SLC22A3: variants seen among roughly 807,000 people sequenced by gnomAD.
SLC22A3 encodes the protein EMT organic cation transporter 3.
Under a neutral mutation model 59.1 loss-of-function variants are expected in SLC22A3, and 51 were observed. The ratio of observed to expected loss-of-function variants is 0.86; its 90% CI spans 0.69 to 1.09. The LOEUF (loss-of-function observed/expected upper bound fraction) is 1.09. SLC22A3 is among the 50% of genes least tolerant of loss of function. The probability of loss-of-function intolerance (pLI) is 0.00; values close to 1 mark genes in which losing one functional copy is unlikely to be tolerated. For missense variants in SLC22A3, 711 were observed against 726.3 expected (o/e 0.98, Z 0.24); for synonymous variants, 325 against 292.0 (o/e 1.11, Z -1.15).
intron 1 of SLC22A3, among the ~76,000 whole-genome samples, chr6:160,376,334 G>A (rs1485996705): frequency 6.6e-6 from 1 of 151,714 alleles, no homozygotes; most frequent in African/African-American, 2.4e-5. Flanking sequence ...ACACACCGGG[G>A]CCTGGTTGGC....
chr6:160,369,427 T>G (rs1013190561), intron 1 of SLC22A3, among the ~76,000 whole-genome samples: 2 of 152,248 alleles, frequency 1.3e-5, no homozygotes, highest in Non-Finnish European at 2.9e-5. Flanking sequence ...GCACTTCCAG[T>G]GATGCCTGCT....
intron 5 of SLC22A3, among the ~76,000 whole-genome samples, chr6:160,431,727 C>T (rs76496355): frequency 3.4e-3 from 515 of 151,908 alleles, no homozygotes; most frequent in African/African-American, 0.011. Flanking sequence ...ATTATTTTAA[C>T]TATTTGCTAA....
At chr6:160,434,253 A>G (rs1022051118) in intron 5 of SLC22A3, among the ~76,000 whole-genome samples, 1 of 152,222 alleles carries the variant, frequency 6.6e-6, no homozygotes, top group African/African-American at 2.4e-5. Flanking sequence ...GTTTTAATTA[A>G]AGATTCAGTT....
chr6:160,359,712 C>A (rs1784952625), intron 1 of SLC22A3, among the ~76,000 whole-genome samples: 1 of 152,156 alleles, frequency 6.6e-6, no homozygotes, highest in Admixed American at 6.5e-5. Context: ...GAGATAAAAA[C>A]AACAGAAAAT....
rs141627819 is a variant in SLC22A3 at position 160,384,537 on chromosome 6, C to T, written c.430-13442C>T. On this transcript the variant is annotated intron_variant, in intron 1 of 10. Coordinates refer to ENST00000275300, the MANE Select transcript of SLC22A3 (RefSeq NM_021977.4). ...GGAGGGGCAACTCACACCTTAGAGA[C>T]CAGGAAAGACTCAGGTGTTTCTAAG... is the stretch of plus-strand genomic sequence containing the variant. Among the ~76,000 whole-genome samples, 3 of 152,166 alleles carry T rather than the reference C, an allele frequency of 2.0e-5. No homozygotes were observed. The East Asian group carries it at 5.8e-4, about 29-fold the overall frequency.
intron 4 of SLC22A3, among the ~76,000 whole-genome samples, chr6:160,410,523 A>G (rs1787202268): frequency 6.6e-6 from 1 of 152,316 alleles, no homozygotes; most frequent in African/African-American, 2.4e-5. Flanking sequence ...TTGATGAGCA[A>G]TGATCCAATT....
At chr6:160,387,921 T>A (rs550928450) in intron 1 of SLC22A3, among the ~76,000 whole-genome samples, 1 of 152,184 alleles carries the variant, frequency 6.6e-6, no homozygotes, top group East Asian at 1.9e-4. Flanking sequence ...CATGACCTTG[T>A]TTCTGTACTC....
chr6:160,394,739 A>G (rs1164445927), intron 1 of SLC22A3, among the ~76,000 whole-genome samples: 1 of 152,240 alleles, frequency 6.6e-6, no homozygotes, highest in Non-Finnish European at 1.5e-5. Context: ...GCTGAAGAAG[A>G]AGGAGAGGAC....
chr6:160,404,868 A>G (rs1583483026), intron 2 of SLC22A3, among the ~76,000 whole-genome samples: 1 of 78,850 alleles, frequency 1.3e-5, no homozygotes, highest in African/African-American at 4.1e-5. Context: ...ACCACATGCA[A>G]AAAAAAAAAA....
intron 5 of SLC22A3, among the ~76,000 whole-genome samples, chr6:160,434,743 A>G (rs1014890351): frequency 1.3e-5 from 2 of 152,096 alleles, no homozygotes; most frequent in Non-Finnish European, 2.9e-5. Context: ...ACACAGAAAA[A>G]TCCCTCACTG....
chr6:160,426,216 G>T (rs891349780), intron 5 of SLC22A3: 4 of 985,198 alleles, frequency 4.1e-6, no homozygotes, highest in East Asian at 2.3e-4. Context: ...TAAACCAAAG[G>T]CTTTCTGAGT....
At chr6:160,429,554 T>C (rs1415506686) in intron 5 of SLC22A3, among the ~76,000 whole-genome samples, 2 of 152,152 alleles carry the variant, frequency 1.3e-5, no homozygotes, top group African/African-American at 4.8e-5. Flanking sequence ...TGAGGTGGGA[T>C]TGCTGTTCCT....
chr6:160,394,444 A>T (rs536229080), intron 1 of SLC22A3, among the ~76,000 whole-genome samples: 139 of 152,352 alleles, frequency 9.1e-4, no homozygotes, highest in Non-Finnish European at 1.8e-3. Context: ...CTGAGAGCTG[A>T]TTAGGAAGCG....
chr6:160,441,717 T>C (rs1788549743), intron 7 of SLC22A3, among the ~76,000 whole-genome samples: 1 of 151,804 alleles, frequency 6.6e-6, no homozygotes, highest in Non-Finnish European at 1.5e-5. Context: ...AAAAATTATA[T>C]ATTCAGGAAG....
At chr6:160,433,706 CA>C (rs1052326316) in intron 5 of SLC22A3, among the ~76,000 whole-genome samples, 4 of 151,786 alleles carry the variant, frequency 2.6e-5, no homozygotes, top group South Asian at 2.1e-4. Context: ...GACCCTATCT[CA>C]AAAAAAATTT....
chr6:160,379,499 T>C (rs2114791970), intron 1 of SLC22A3, among the ~76,000 whole-genome samples: 1 of 152,370 alleles, frequency 6.6e-6, no homozygotes, highest in Middle Eastern at 3.4e-3. Context: ...GTTAATTTAG[T>C]ACCTTCCTTT....
chr6:160,418,524 A>G (rs895027860), intron 5 of SLC22A3, among the ~76,000 whole-genome samples: 9 of 152,152 alleles, frequency 5.9e-5, no homozygotes, highest in African/African-American at 1.9e-4. Flanking sequence ...TTTCATAGAT[A>G]TGTAGATCCT....
At position 160,423,239 on chromosome 6, in the gene SLC22A3, C is replaced by T. The variant is rs1787817959; in HGVS notation, c.975+12393C>T. On this transcript the variant is annotated intron_variant, in intron 5 of 10. Coordinates refer to ENST00000275300, the MANE Select transcript of SLC22A3 (RefSeq NM_021977.4). ...CTTAATCCAGTCTATCATTGTTGGACATTTGGGTTGGTTCCAAGTCTTTGC... is the reference window on the plus strand; with the variant it reads ...CTTAATCCAGTCTATCATTGTTGGATATTTGGGTTGGTTCCAAGTCTTTGC... Among the ~76,000 whole-genome samples, 3 of 152,164 alleles carry T rather than the reference C, an allele frequency of 2.0e-5. No homozygotes were observed. In the South Asian group the frequency reaches 6.2e-4, roughly 32 times the overall value.
chr6:160,348,444 C>T lies in SLC22A3; in HGVS notation c.25C>T (p.Gln9Ter). The T allele has an allele frequency of 1.3e-6, 2 of 1,522,612 alleles. No homozygotes were observed. The highest frequency in any genetic ancestry group is 1.8e-6 in the Non-Finnish European group (2 of 1,138,538). 94.3% of individuals were successfully genotyped at this position (1,522,612 alleles called of 1,614,324 possible). MPSFDEAL[Q>*]RVGEFGRFQR... ...CATGCCCTCCTTCGACGAGGCGCTG[C>T]AGCGGGTGGGCGAGTTCGGGCGCTT... Residue 9 changes from glutamine (Q) to a stop codon, truncating the protein, a stop_gained, in exon 1 of 11, where the codon CAG (glutamine) becomes TAG (stop). Coordinates refer to ENST00000275300, the MANE Select transcript of SLC22A3 (RefSeq NM_021977.4). LOFTEE classifies it high-confidence loss of function.
Sources: gnomAD v4.1 joint callset for allele counts (sites outside exome capture counted in the v4.1 genomes callset) on GRCh38, gnomAD v4.1.1 for gene constraint, MANE v1.5 for transcripts, NCBI Gene and HGNC (gene_info 2026-07-23, HGNC 2026-07-21) for gene names.